The following UBE2D2 variants were observed in gnomAD, a reference collection of about 807,000 sequenced individuals.
UBE2D2 encodes the protein ubiquitin conjugating enzyme E2 D2.
Under a neutral mutation model 24.2 loss-of-function variants are expected in UBE2D2, and 2 were observed. That is an observed-to-expected ratio of 0.08 (90% CI 0.03 to 0.26). UBE2D2 has a LOEUF of 0.26. UBE2D2 is among the 10% of genes least tolerant of loss of function. The pLI is 1.00. For synonymous variants in UBE2D2, 58 were observed against 56.5 expected, an observed-to-expected ratio of 1.03 and a Z score of -0.12; for missense variants, 44 against 177.6, an observed-to-expected ratio of 0.25 and a Z score of 4.28.
chr5:139,553,926 C>T (rs1226312463), intron 1 of UBE2D2, among the ~76,000 whole-genome samples: 2 of 152,132 alleles, frequency 1.3e-5, no homozygotes, highest in Middle Eastern at 6.8e-3. Context: ...ACTACAGGTG[C>T]CCGCCACCAC....
intron 1 of UBE2D2, among the ~76,000 whole-genome samples, chr5:139,538,777 G>A (rs1054780404): frequency 6.6e-6 from 1 of 151,722 alleles, no homozygotes; most frequent in East Asian, 1.9e-4. Flanking sequence ...AGAGGCTGAC[G>A]CAGGAGAATC....
intron 1 of UBE2D2, among the ~76,000 whole-genome samples, chr5:139,533,102 C>T (rs993413152): frequency 4.1e-5 from 6 of 147,556 alleles, no homozygotes; most frequent in Non-Finnish European, 7.5e-5. Context: ...AGCAAGACTC[C>T]ATCTCAAAAA....
chr5:139,546,392 C>A (rs1046108835), intron 1 of UBE2D2, among the ~76,000 whole-genome samples: 1 of 152,120 alleles, frequency 6.6e-6, no homozygotes, highest in Non-Finnish European at 1.5e-5. Flanking sequence ...ACCATATTGG[C>A]CAGGCTGGTC....
At chr5:139,607,359 C>T (rs1224334139) in intron 2 of UBE2D2, among the ~76,000 whole-genome samples, 1 of 151,960 alleles carries the variant, frequency 6.6e-6, no homozygotes, top group Admixed American at 6.6e-5. Context: ...CTTTCTCTGC[C>T]TTTTTTTGGT....
intron 1 of UBE2D2, among the ~76,000 whole-genome samples, chr5:139,563,714 C>T (rs577411954): frequency 6.6e-6 from 1 of 152,192 alleles, no homozygotes; most frequent in East Asian, 1.9e-4. Context: ...GGGTGGATCA[C>T]GAGATCAGGA....
intron 1 of UBE2D2, 89 bp downstream of exon 1, chr5:139,561,904 C>T (rs1753108930): frequency 1.3e-5 from 19 of 1,415,338 alleles, no homozygotes; most frequent in Admixed American, 8.5e-5. Context: ...GGCTCGCGGC[C>T]TCCTTGGATC....
chr5:139,553,138 T>C (rs926738452), intron 1 of UBE2D2, among the ~76,000 whole-genome samples: 9 of 152,152 alleles, frequency 5.9e-5, no homozygotes, highest in African/African-American at 1.9e-4. Flanking sequence ...TGACATCTAA[T>C]AGTGGTATCA....
At chr5:139,591,908 G>C (rs1298461539) in intron 1 of UBE2D2, among the ~76,000 whole-genome samples, 1 of 152,046 alleles carries the variant, frequency 6.6e-6, no homozygotes, top group Non-Finnish European at 1.5e-5. Context: ...AATCTGTCTT[G>C]AAAACCTGGG....
chr5:139,623,844 A>G (rs1422486149), intron 6 of UBE2D2, among the ~76,000 whole-genome samples: 1 of 152,132 alleles, frequency 6.6e-6, no homozygotes, highest in African/African-American at 2.4e-5. Flanking sequence ...GGCGCAGGCC[A>G]CCACGCCAGG....
At chr5:139,556,116 A>T (rs745320014) in intron 1 of UBE2D2, among the ~76,000 whole-genome samples, 4 of 148,806 alleles carry the variant, frequency 2.7e-5, no homozygotes, top group Non-Finnish European at 4.5e-5. Context: ...CATGCCTGTA[A>T]TCCCAGCTAC....
At chr5:139,579,576 A>G (rs1010537490) in intron 1 of UBE2D2, among the ~76,000 whole-genome samples, 4 of 152,112 alleles carry the variant, frequency 2.6e-5, no homozygotes, top group African/African-American at 7.2e-5. Context: ...AGGCATGAAC[A>G]ACTGTGTCCA....
intron 1 of UBE2D2, among the ~76,000 whole-genome samples, chr5:139,529,423 T>C (rs1176284630): frequency 6.6e-6 from 1 of 152,112 alleles, no homozygotes; most frequent in Admixed American, 6.6e-5. Flanking sequence ...GTTCTCTAGA[T>C]TGGAAAAAAA....
intron 1 of UBE2D2, among the ~76,000 whole-genome samples, chr5:139,582,590 G>C (rs1024396062): frequency 1.3e-5 from 2 of 151,840 alleles, no homozygotes; most frequent in Admixed American, 6.6e-5. Flanking sequence ...CATGCGACCA[G>C]GTGTGGAATT....
intron 1 of UBE2D2, among the ~76,000 whole-genome samples, chr5:139,527,603 G>C (rs539717727): frequency 6.6e-6 from 1 of 152,142 alleles, no homozygotes; most frequent in Non-Finnish European, 1.5e-5. Context: ...ATAAAGGGGA[G>C]AGGCAGAATT....
chr5:139,612,613 G>T (rs1285588837), intron 2 of UBE2D2, among the ~76,000 whole-genome samples: 3 of 152,330 alleles, frequency 2.0e-5, no homozygotes, highest in African/African-American at 7.2e-5. Flanking sequence ...TTAAGTAGAA[G>T]AACAGGTCCC....
At chr5:139,548,193 A>AAAATAAAT (rs1388715344) in intron 1 of UBE2D2, among the ~76,000 whole-genome samples, 1,657 of 43,272 alleles carry the variant, frequency 0.038, 31 homozygotes, top group Middle Eastern at 0.11. Context: ...ATAAAAAAAA[A>AAAATAAAT]AAATAAATAA....
At chr5:139,532,188 T>TG (rs1554075339) in intron 1 of UBE2D2, among the ~76,000 whole-genome samples, 174 of 150,070 alleles carry the variant, frequency 1.2e-3, no homozygotes, top group African/African-American at 1.4e-3. Flanking sequence ...TTTTTTTTTT[T>TG]GGGGGGGACA....
chr5:139,535,031 C>G (rs1016720405), intron 1 of UBE2D2, among the ~76,000 whole-genome samples: 3 of 151,732 alleles, frequency 2.0e-5, no homozygotes, highest in Non-Finnish European at 4.4e-5. Flanking sequence ...CCCAGCTACT[C>G]AGGAGGCTGA....
chr5:139,584,502 C>CA (rs1372657752), intron 1 of UBE2D2, among the ~76,000 whole-genome samples: 1 of 151,168 alleles, frequency 6.6e-6, no homozygotes, highest in African/African-American at 2.4e-5. Flanking sequence ...ACATTTACCC[C>CA]AAAACACCTT....
Sources: gnomAD v4.1 joint callset for allele counts (sites outside exome capture counted in the v4.1 genomes callset) on GRCh38, gnomAD v4.1.1 for gene constraint, MANE v1.5 for transcripts, NCBI Gene and HGNC (gene_info 2026-07-23, HGNC 2026-07-21) for gene names.